Variants in CAV1 observed in about 807,000 individuals in gnomAD.
CAV1 encodes the protein caveolin 1.
Under a neutral mutation model 16.5 loss-of-function variants are expected in CAV1, and 10 were observed. The observed-to-expected ratio is 0.61, with a 90% CI of 0.37 to 1.03. The LOEUF is 1.03. Ranked by LOEUF, CAV1 falls within the 50% of genes least tolerant of loss-of-function variation. CAV1 has a pLI of 0.01. For missense variants in CAV1, 212 were observed against 232.8 expected, an observed-to-expected ratio of 0.91 and a Z score of 0.58; for synonymous variants, 76 against 85.1, an observed-to-expected ratio of 0.89 and a Z score of 0.59.
intron 2 of CAV1, among the ~76,000 whole-genome samples, chr7:116,553,588 T>G (rs527395635): frequency 4.3e-4 from 66 of 152,220 alleles, no homozygotes; most frequent in African/African-American, 1.5e-3. Context: ...CAACCTCATC[T>G]GAGGCATCCC....
In CAV1 at chr7:116,559,375, C is replaced by A; in HGVS notation, c.*88C>A. ...TTCAAGTTCCAAGTTGCTAATACAG[C>A]AACAATTTATGAATTGAATTATCTT... On this transcript the variant is annotated 3_prime_UTR_variant, in exon 3 of 3. Transcript: ENST00000341049. 1.2e-6 allele frequency: 1 copy of A among 863,576 alleles called. No homozygotes were observed. The highest frequency in any genetic ancestry group is 1.9e-6 in the Non-Finnish European group (1 of 524,700). 53.5% of individuals were successfully genotyped at this position (863,576 alleles called of 1,614,324 possible).
chr7:116,528,514 C>T (rs534723423), intron 2 of CAV1, among the ~76,000 whole-genome samples: 1 of 152,222 alleles, frequency 6.6e-6, no homozygotes, highest in East Asian at 1.9e-4. Flanking sequence ...ACAGTCAAAC[C>T]AAAAAATCCA....
intron 2 of CAV1, among the ~76,000 whole-genome samples, chr7:116,544,043 T>C (rs1214946859): frequency 6.6e-6 from 1 of 152,188 alleles, no homozygotes; most frequent in African/African-American, 2.4e-5. Flanking sequence ...AAGGTAAACA[T>C]GAAGGCGTTT....
intron 2 of CAV1, among the ~76,000 whole-genome samples, chr7:116,555,221 C>T (rs1365592623): frequency 1.3e-5 from 2 of 151,870 alleles, no homozygotes; most frequent in East Asian, 3.9e-4. Flanking sequence ...GGCAGGAGAA[C>T]TGCTTGAGCT....
At chr7:116,547,288 A>G (rs1258073571) in intron 2 of CAV1, among the ~76,000 whole-genome samples, 1 of 152,198 alleles carries the variant, frequency 6.6e-6, no homozygotes, top group Non-Finnish European at 1.5e-5. Context: ...GTATGTTTTT[A>G]TCAGTGTAGA....
Position 116,526,930 on chromosome 7 carries a change from T to G in CAV1, c.195+241T>G, listed in dbSNP as rs1209368653. The G allele has an allele frequency of 7.1e-6, 4 of 564,834 alleles. No homozygotes were observed. The East Asian group carries it at 9.3e-5, about 13-fold the overall frequency. The allele number at this position is 564,834 out of a possible 1,614,324, so 35.0% of individuals were successfully genotyped here. A position where few individuals can be genotyped will look rare whatever the true frequency, so the allele number is the denominator to read the frequency against. ...TAGTTCAGCTGAAATTCAGCTAAAGTGAGTTTTGTAGAAGTTCCTATAACT... is the reference window on the plus strand; with the variant it reads ...TAGTTCAGCTGAAATTCAGCTAAAGGGAGTTTTGTAGAAGTTCCTATAACT... On this transcript the variant is annotated intron_variant, in intron 2 of 2. Transcript: ENST00000341049.
chr7:116,560,457 G>A lies in CAV1; in HGVS notation c.*1170G>A, dbSNP rs1464169276. ...GCAAACCTGACCCCTGCTCAGTAAA[G>A]CACTTGCAACCGTCTGTTATGCTGT... On this transcript the variant is annotated 3_prime_UTR_variant, in exon 3 of 3. Coordinates refer to ENST00000341049, the MANE Select transcript of CAV1 (RefSeq NM_001753.5). 1 of 152,186 alleles carries A rather than the reference G, an allele frequency of 6.6e-6. No homozygotes were observed. The highest frequency in any genetic ancestry group is 6.5e-5 in the Admixed American group (1 of 15,276). The allele number at this position is 152,186 out of a possible 1,614,324, so 9.4% of individuals were successfully genotyped here.
chr7:116,550,923 G>T (rs2116063761), intron 2 of CAV1, among the ~76,000 whole-genome samples: 1 of 152,302 alleles, frequency 6.6e-6, no homozygotes, highest in South Asian at 2.1e-4. Context: ...CTCTCAAAAA[G>T]TAGCTCCACT....
At chr7:116,555,542 G>GAGAGAGAGAGAAAGAA (rs1478856618) in intron 2 of CAV1, among the ~76,000 whole-genome samples, 1 of 12,146 alleles carries the variant, frequency 8.2e-5, no homozygotes, top group African/African-American at 2.3e-4. Context: ...GAGAGAGAGA[G>GAGAGAGAGAGAAAGAA]AGAAAGAAAG....
At chr7:116,525,981 C>A in intron 1 of CAV1, 1 of 306,388 alleles carries the variant, frequency 3.3e-6, no homozygotes, top group Non-Finnish European at 4.8e-6. Context: ...GGCCAAGAAG[C>A]AGCGATAAAG....
chr7:116,538,946 C>A (rs945619534), intron 2 of CAV1, among the ~76,000 whole-genome samples: 6 of 152,130 alleles, frequency 3.9e-5, no homozygotes, highest in Non-Finnish European at 1.5e-5. Context: ...TATGGGGGAA[C>A]CGCCACCATG....
chr7:116,526,258 C>T lies in CAV1; in HGVS notation c.31-267C>T. Reference sequence around the variant, plus strand: ...CCGCGCGGCGGGGCCTGCCCTGACCCCTGGCGGCGGGCGGGGGAGGCAGGC... The same window carrying T: ...CCGCGCGGCGGGGCCTGCCCTGACCTCTGGCGGCGGGCGGGGGAGGCAGGC... On this transcript the variant is annotated intron_variant, in intron 1 of 2. Coordinates refer to ENST00000341049, the MANE Select transcript of CAV1 (RefSeq NM_001753.5). 4.0e-6 allele frequency: 5 copies of T among 1,238,940 alleles called. No individual in the cohort carries two copies. In the South Asian group the frequency reaches 8.2e-5, roughly 20 times the overall value. 76.7% of individuals were successfully genotyped at this position (1,238,940 alleles called of 1,614,324 possible). A position where few individuals can be genotyped will look rare whatever the true frequency, so the allele number is the denominator to read the frequency against.
chr7:116,538,765 G>A (rs1793877084), intron 2 of CAV1, among the ~76,000 whole-genome samples: 1 of 152,132 alleles, frequency 6.6e-6, no homozygotes, highest in South Asian at 2.1e-4. Flanking sequence ...AAAAAAAGAG[G>A]TTTAATGGAC....
chr7:116,525,472 T>G, intron 1 of CAV1: 1 of 1,327,992 alleles, frequency 7.5e-7, no homozygotes. Context: ...GAGTGCAGGG[T>G]GGAGGTGTTA....
intron 2 of CAV1, among the ~76,000 whole-genome samples, chr7:116,535,307 T>C (rs1258965045): frequency 6.6e-6 from 1 of 152,238 alleles, no homozygotes; most frequent in Non-Finnish European, 1.5e-5. Flanking sequence ...TGTCAGGCCT[T>C]TCCCTGATTC....
intron 2 of CAV1, among the ~76,000 whole-genome samples, chr7:116,533,389 AAAT>A (rs200709201): frequency 5.8e-5 from 7 of 121,470 alleles, no homozygotes; most frequent in African/African-American, 2.3e-4. Flanking sequence ...AAATAAAATA[AAAT>A]AAAATAAAAT....
At chr7:116,531,331 A>T (rs1265190402) in intron 2 of CAV1, among the ~76,000 whole-genome samples, 1 of 152,220 alleles carries the variant, frequency 6.6e-6, no homozygotes, top group Non-Finnish European at 1.5e-5. Context: ...AGAAATATGC[A>T]TTCATAACTT....
intron 2 of CAV1, among the ~76,000 whole-genome samples, chr7:116,534,709 T>G (rs1793772244): frequency 6.6e-6 from 1 of 151,878 alleles, no homozygotes; most frequent in African/African-American, 2.4e-5. Context: ...CCAGATATAT[T>G]AAATTAGAAT....
rs1181031913 is a variant in CAV1 at position 116,534,362 on chromosome 7, GATATATATATATATATATAT to G, written c.195+7688_195+7707del. 2.1e-4 allele frequency among the ~76,000 whole-genome samples: 9 copies of G among 42,688 alleles called. 1 individual carries two copies. Among genetic ancestry groups the G allele is most frequent in the South Asian group, 2.8e-3 (2 of 724 alleles). The allele number at this position is 42,688 out of a possible 152,430, so 28.0% of individuals were successfully genotyped here. Reference sequence around the variant, plus strand: ...AATACAGATGCCTGGGCCCACCTCAGATATATATATATATATATATATATATATATATATTTTTTTTTTTT... The same window carrying G: ...AATACAGATGCCTGGGCCCACCTCAGATATATATATATATTTTTTTTTTTT... On this transcript the variant is annotated intron_variant, in intron 2 of 2. Coordinates refer to ENST00000341049, the MANE Select transcript of CAV1 (RefSeq NM_001753.5).
Sources: gnomAD v4.1 joint callset for allele counts (sites outside exome capture counted in the v4.1 genomes callset) on GRCh38, gnomAD v4.1.1 for gene constraint, MANE v1.5 for transcripts, NCBI Gene and HGNC (gene_info 2026-07-23, HGNC 2026-07-21) for gene names.